PTPRD: variants seen among roughly 807,000 people sequenced by gnomAD.
PTPRD encodes protein tyrosine phosphatase receptor type D, also known as receptor-type tyrosine-protein phosphatase delta.
A neutral mutation model predicts 214.5 loss-of-function variants in PTPRD; 34 were observed. That is an observed-to-expected ratio of 0.16 (90% CI 0.12 to 0.21). The LOEUF (loss-of-function observed/expected upper bound fraction) is 0.21, where lower values mean the gene tolerates loss of function less well. Among genes scored for constraint, PTPRD ranks in the 10% least tolerant of loss-of-function variants. PTPRD has a pLI of 1.00. For synonymous variants in PTPRD, 1,128 were observed against 845.7 expected (o/e 1.33, Z -5.79); for missense variants, 2,545 against 2,398.7 (o/e 1.06, Z -1.27).
At chr9:9,746,254 C>T (rs1056437801) in intron 6 of PTPRD, among the ~76,000 whole-genome samples, 1 of 151,986 alleles carries the variant, frequency 6.6e-6, no homozygotes, top group Non-Finnish European at 1.5e-5. Context: ...ATGCTCAGGT[C>T]AAACTTTTTA....
intron 4 of PTPRD, among the ~76,000 whole-genome samples, chr9:9,956,950 C>CA (rs936363384): frequency 5.3e-5 from 8 of 151,512 alleles, no homozygotes; most frequent in South Asian, 2.1e-4. Context: ...TAGGTGGTAG[C>CA]AAAAAAAATC....
At chr9:9,829,758 A>T (rs557313493) in intron 5 of PTPRD, among the ~76,000 whole-genome samples, 1 of 151,970 alleles carries the variant, frequency 6.6e-6, no homozygotes, top group African/African-American at 2.4e-5. Flanking sequence ...TCTGGCAGAC[A>T]ATAGACTTGG....
intron 11 of PTPRD, among the ~76,000 whole-genome samples, chr9:8,955,550 G>A (rs7866588): frequency 0.13 from 19,964 of 151,784 alleles, 1,447 homozygotes; most frequent in South Asian, 0.2. Flanking sequence ...TGTGCTCTTC[G>A]TTATAAGCTT....
chr9:8,898,786 T>C (rs188635702), intron 11 of PTPRD, among the ~76,000 whole-genome samples: 1 of 152,250 alleles, frequency 6.6e-6, no homozygotes, highest in East Asian at 1.9e-4. Context: ...TGGAGGACCA[T>C]GCATATCAGA....
intron 2 of PTPRD, among the ~76,000 whole-genome samples, chr9:10,603,430 T>C (rs1339975714): frequency 6.6e-6 from 1 of 151,858 alleles, no homozygotes; most frequent in Non-Finnish European, 1.5e-5. Context: ...TGAAAGAATT[T>C]GTCTTATAAA....
chr9:8,682,978 C>G (rs1308622850), intron 12 of PTPRD, among the ~76,000 whole-genome samples: 3 of 152,064 alleles, frequency 2.0e-5, no homozygotes, highest in Non-Finnish European at 4.4e-5. Flanking sequence ...AAAAAAGTGT[C>G]TAAAGGCTTT....
At chr9:9,152,894 C>T (rs750332190) in intron 10 of PTPRD, among the ~76,000 whole-genome samples, 1 of 152,220 alleles carries the variant, frequency 6.6e-6, no homozygotes, top group Admixed American at 6.5e-5. Context: ...CACACATTTA[C>T]TTGTGAATTA....
At chr9:8,894,498 T>C (rs1050126351) in intron 11 of PTPRD, among the ~76,000 whole-genome samples, 1 of 151,938 alleles carries the variant, frequency 6.6e-6, no homozygotes, top group Non-Finnish European at 1.5e-5. Context: ...TGTATCCTGA[T>C]AGGAGTCAGA....
chr9:9,424,760 C>T (rs2080168669), intron 8 of PTPRD, among the ~76,000 whole-genome samples: 1 of 152,058 alleles, frequency 6.6e-6, no homozygotes, highest in South Asian at 2.1e-4. Context: ...TTAGGAAGGT[C>T]ACTAGATACA....
intron 11 of PTPRD, among the ~76,000 whole-genome samples, chr9:8,763,191 G>A (rs2094510762): frequency 6.6e-6 from 1 of 152,174 alleles, no homozygotes; most frequent in East Asian, 1.9e-4. Flanking sequence ...GCTTGAGACA[G>A]TAGAGCAGAC....
chr9:10,576,834 G>C (rs967424117), intron 2 of PTPRD, among the ~76,000 whole-genome samples: 37 of 152,044 alleles, frequency 2.4e-4, no homozygotes, highest in African/African-American at 8.7e-4. Flanking sequence ...AATTAACCAA[G>C]TTAAATACAT....
chr9:9,991,488 A>T (rs1007373126), intron 4 of PTPRD, among the ~76,000 whole-genome samples: 1 of 151,728 alleles, frequency 6.6e-6, no homozygotes, highest in Non-Finnish European at 1.5e-5. Context: ...CAGCCTCCCG[A>T]GTAGCTGGGA....
chr9:10,118,878 A>ATAAATAAATAAATAAT (rs1466998195), intron 3 of PTPRD, among the ~76,000 whole-genome samples: 1 of 147,484 alleles, frequency 6.8e-6, no homozygotes, highest in Non-Finnish European at 1.5e-5. Flanking sequence ...AAATAAATAA[A>ATAAATAAATAAATAAT]TAAATAAATA....
intron 39 of PTPRD, among the ~76,000 whole-genome samples, chr9:8,365,354 T>A (rs1452920721): frequency 6.6e-6 from 1 of 152,140 alleles, no homozygotes; most frequent in Non-Finnish European, 1.5e-5. Context: ...AGCACAAGTT[T>A]CTCCTACCCA....
Position 8,521,269 on chromosome 9 carries a change from G to A in PTPRD, c.961+8C>T, listed in dbSNP as rs748209230. ...CCAGATCCTCAAAGCATAATCCATT[G>A]AGCATACCTTTGACAGTGATCTGTG... On this transcript the variant is annotated splice_region_variant and intron_variant, in intron 20 of 45. Transcript: ENST00000381196. 2.5e-6 allele frequency: 4 copies of A among 1,607,336 alleles called. No homozygotes were observed. Among genetic ancestry groups the A allele is most frequent in the Non-Finnish European group, 2.6e-6 (3 of 1,176,252 alleles).
At chr9:9,223,097 G>A (rs1356714068) in intron 9 of PTPRD, among the ~76,000 whole-genome samples, 1 of 152,008 alleles carries the variant, frequency 6.6e-6, no homozygotes, top group East Asian at 1.9e-4. Context: ...AAAGAAAACT[G>A]TGATGTGATA....
At chr9:8,563,499 G>A (rs1042658431) in intron 14 of PTPRD, among the ~76,000 whole-genome samples, 17 of 147,732 alleles carry the variant, frequency 1.2e-4, no homozygotes, top group African/African-American at 2.5e-4. Context: ...GTGCAGTGGC[G>A]CAATCTTGGT....
intron 11 of PTPRD, among the ~76,000 whole-genome samples, chr9:8,794,123 A>AT (rs752470385): frequency 6.6e-6 from 1 of 150,714 alleles, no homozygotes; most frequent in Admixed American, 6.7e-5. Flanking sequence ...GCAGCAATGC[A>AT]TTTTTTCCCC....
chr9:9,750,121 A>T (rs2098502241), intron 6 of PTPRD, among the ~76,000 whole-genome samples: 1 of 152,204 alleles, frequency 6.6e-6, no homozygotes, highest in African/African-American at 2.4e-5. Context: ...TACAAATTGT[A>T]AAAGTTTTGC....
Sources: gnomAD v4.1 joint callset for allele counts (sites outside exome capture counted in the v4.1 genomes callset) on GRCh38, gnomAD v4.1.1 for gene constraint, MANE v1.5 for transcripts, NCBI Gene and HGNC (gene_info 2026-07-23, HGNC 2026-07-21) for gene names.